TBCD: variants seen among roughly 807,000 people sequenced by gnomAD.
TBCD encodes tubulin-specific chaperone D.
A neutral mutation model predicts 169.3 loss-of-function variants in TBCD; 105 were observed. That is an observed-to-expected ratio of 0.62 (90% confidence interval 0.53 to 0.73). TBCD has a LOEUF of 0.73. Ranked by LOEUF, TBCD falls within the 30% of genes least tolerant of loss-of-function variation. The pLI is 0.00. For synonymous variants in TBCD, 700 were observed against 643.9 expected, an observed-to-expected ratio of 1.09 and a Z score of -1.32; for missense variants, 1,444 against 1,600.1, an observed-to-expected ratio of 0.90 and a Z score of 1.66.
At chr17:82,807,550 C>T in intron 10 of TBCD, 58 bp from the exon 11 acceptor site, 2 of 1,376,712 alleles carry the variant, frequency 1.5e-6, no homozygotes, top group South Asian at 1.7e-5. Flanking sequence ...CACCTTACAG[C>T]TGGGAAACTA....
At chr17:82,762,801 A>G (rs1423850558) in intron 2 of TBCD, among the ~76,000 whole-genome samples, 2 of 151,902 alleles carry the variant, frequency 1.3e-5, no homozygotes, top group African/African-American at 4.8e-5. Context: ...TGCCATGAAG[A>G]TTGTACTGTT....
chr17:82,792,038 G>A (rs968052186), intron 7 of TBCD, among the ~76,000 whole-genome samples: 4 of 152,182 alleles, frequency 2.6e-5, no homozygotes, highest in Admixed American at 6.5e-5. Context: ...AGCTGGGCAC[G>A]GTGGATCACG....
chr17:82,834,195 G>A (rs1216311389), intron 13 of TBCD, among the ~76,000 whole-genome samples: 3 of 152,134 alleles, frequency 2.0e-5, no homozygotes, highest in Non-Finnish European at 4.4e-5. Context: ...TGATCCACCT[G>A]CCTTAGCCTC....
intron 19 of TBCD, among the ~76,000 whole-genome samples, chr17:82,904,878 G>A (rs1321747895): frequency 6.6e-6 from 1 of 152,160 alleles, no homozygotes; most frequent in African/African-American, 2.4e-5. Context: ...GCTCAGCTTT[G>A]TCCTCCACCC....
chr17:82,925,295 AT>A (rs2061652120), intron 27 of TBCD, among the ~76,000 whole-genome samples: 1 of 152,164 alleles, frequency 6.6e-6, no homozygotes, highest in South Asian at 2.1e-4. Context: ...AAAAAGCTGA[AT>A]TCTGGGAGGG....
chr17:82,766,633 A>G (rs904966862), intron 4 of TBCD, among the ~76,000 whole-genome samples: 5 of 152,112 alleles, frequency 3.3e-5, no homozygotes, highest in East Asian at 1.9e-4. Flanking sequence ...CATTGTTTCT[A>G]TGTTTTTTTA....
chr17:82,767,853 G>C (rs2048095142), intron 4 of TBCD, among the ~76,000 whole-genome samples: 1 of 152,038 alleles, frequency 6.6e-6, no homozygotes, highest in South Asian at 2.1e-4. Flanking sequence ...TACTCAGAAG[G>C]CTGAGGCAGG....
chr17:82,767,871 C>T (rs140264338), intron 4 of TBCD, among the ~76,000 whole-genome samples: 1,782 of 151,932 alleles, frequency 0.012, 48 homozygotes, highest in African/African-American at 0.042. Flanking sequence ...AGGAGAATGG[C>T]GTGAACCCGG....
chr17:82,940,217 G>GCACACACACACACACACACA (rs576338657), intron 37 of TBCD, among the ~76,000 whole-genome samples: 17 of 101,450 alleles, frequency 1.7e-4, no homozygotes, highest in Non-Finnish European at 2.7e-4. Flanking sequence ...TCACTTGCAC[G>GCACACACACACACACACACA]CGCGCACACA....
chr17:82,795,123 C>T (rs1568144250), intron 7 of TBCD, among the ~76,000 whole-genome samples: 1 of 152,246 alleles, frequency 6.6e-6, no homozygotes, highest in Non-Finnish European at 1.5e-5. Context: ...TGTTGTACTA[C>T]ACTTCATAGG....
intron 14 of TBCD, among the ~76,000 whole-genome samples, chr17:82,875,262 G>C (rs1295269670): frequency 2.0e-5 from 3 of 152,212 alleles, no homozygotes; most frequent in Admixed American, 2.0e-4. Flanking sequence ...TAGCTTAAGA[G>C]GTGGGATAAT....
chr17:82,835,959 AC>A lies in TBCD; in HGVS notation c.1318+21026del, dbSNP rs2053933168. Among the ~76,000 whole-genome samples, 1 of 152,098 alleles carries A rather than the reference AC, an allele frequency of 6.6e-6. No homozygotes were observed. The highest frequency in any genetic ancestry group is 1.5e-5 in the Non-Finnish European group (1 of 68,010). On this transcript the variant is annotated intron_variant, in intron 13 of 38. Transcript: ENST00000355528. The surrounding 1 kb of genome is among the most constrained non-coding windows in gnomAD (Gnocchi z 4.5). Reference sequence around the variant, plus strand: ...CTACAACCAGGGAGGGTGTCGGGTGACACCCTGGGCTCAGACCCCGCGCTCA... The same window carrying A: ...CTACAACCAGGGAGGGTGTCGGGTGAACCCTGGGCTCAGACCCCGCGCTCA...
At chr17:82,830,032 C>G in intron 13 of TBCD, 2 of 1,524,036 alleles carry the variant, frequency 1.3e-6, no homozygotes, top group South Asian at 2.3e-5. Context: ...TGAGAAGCAG[C>G]AGCTGCATTT....
intron 18 of TBCD, among the ~76,000 whole-genome samples, chr17:82,902,152 G>C (rs563257651): frequency 1.3e-5 from 2 of 152,196 alleles, no homozygotes; most frequent in East Asian, 3.9e-4. Flanking sequence ...CTAATGTATT[G>C]ACCCTTTATC....
intron 16 of TBCD, among the ~76,000 whole-genome samples, chr17:82,891,255 T>C (rs2059118302): frequency 6.6e-6 from 1 of 152,172 alleles, no homozygotes; most frequent in African/African-American, 2.4e-5. Flanking sequence ...AGGTTGGGGA[T>C]TGATTGACAG....
intron 6 of TBCD, among the ~76,000 whole-genome samples, chr17:82,778,088 G>C (rs1458847672): frequency 6.6e-6 from 1 of 152,208 alleles, no homozygotes; most frequent in African/African-American, 2.4e-5. Flanking sequence ...CTTTTCCTAG[G>C]TTATGATTAT....
At chr17:82,919,778 T>A (rs2147121726) in intron 23 of TBCD, among the ~76,000 whole-genome samples, 1 of 152,220 alleles carries the variant, frequency 6.6e-6, no homozygotes, top group South Asian at 2.1e-4. Context: ...GCAGTATCTG[T>A]GACGATGGGA....
At chr17:82,755,129 G>A (rs1388181943) in intron 1 of TBCD, among the ~76,000 whole-genome samples, 2 of 152,152 alleles carry the variant, frequency 1.3e-5, no homozygotes, top group Non-Finnish European at 2.9e-5. Flanking sequence ...CCAGGGCATT[G>A]GTGGATTCAA....
At chr17:82,755,445 A>G (rs911325526) in intron 1 of TBCD, among the ~76,000 whole-genome samples, 7 of 152,226 alleles carry the variant, frequency 4.6e-5, no homozygotes, top group African/African-American at 1.4e-4. Context: ...TGTCAAATAT[A>G]TTTTAGGGAA....
Sources: allele counts gnomAD v4.1 joint callset (sites outside exome capture counted in the v4.1 genomes callset), GRCh38; gene constraint gnomAD v4.1.1; non-coding constraint Gnocchi (gnomAD v3.1); transcripts MANE v1.5; gene names NCBI Gene and HGNC (gene_info 2026-07-23, HGNC 2026-07-21).